TANC2: variants seen among roughly 807,000 people sequenced by gnomAD.
TANC2 encodes the protein tetratricopeptide repeat, ankyrin repeat and coiled-coil containing 2.
In TANC2, 26 loss-of-function variants were observed where a neutral mutation model predicts 210.5. That is an observed-to-expected ratio of 0.12 (90% confidence interval 0.09 to 0.17). The LOEUF (loss-of-function observed/expected upper bound fraction) is 0.17. TANC2 is among the 10% of genes least tolerant of loss of function. The pLI is 1.00. For missense variants in TANC2, 2,129 were observed against 2,608.9 expected, an observed-to-expected ratio of 0.82 and a Z score of 4.01; for synonymous variants, 931 against 967.1, an observed-to-expected ratio of 0.96 and a Z score of 0.69.
chr17:63,167,680 T>G (rs1239668881), intron 5 of TANC2, among the ~76,000 whole-genome samples: 1 of 151,956 alleles, frequency 6.6e-6, no homozygotes, highest in Non-Finnish European at 1.5e-5. Flanking sequence ...AATAGTTTTA[T>G]GTGAAAACTA....
chr17:63,222,720 A>ACACACACAC lies in TANC2; in HGVS notation c.770-15094_770-15093insCACACACAC, dbSNP rs2042226859. ...AATTATACCTTAATAAAACTGATTA[A>ACACACACAC]ACACACACACACACACACACACACA... is the stretch of plus-strand genomic sequence containing the variant. On this transcript the variant is annotated intron_variant, in intron 7 of 27. Coordinates refer to ENST00000689528, the Ensembl canonical transcript of TANC2. 5.8e-4 allele frequency among the ~76,000 whole-genome samples: 86 copies of ACACACACAC among 148,968 alleles called. 1 individual carries two copies. The highest frequency in any genetic ancestry group is 2.1e-3 in the African/African-American group (85 of 40,546).
chr17:63,365,874 A>G (rs758174363), intron 14 of TANC2, among the ~76,000 whole-genome samples: 8 of 151,980 alleles, frequency 5.3e-5, no homozygotes, highest in Admixed American at 1.3e-4. Context: ...TCTTAATCAT[A>G]ACATCCTTTT....
chr17:63,343,396 A>T (rs1181559899), intron 12 of TANC2, among the ~76,000 whole-genome samples: 1 of 152,248 alleles, frequency 6.6e-6, no homozygotes, highest in Non-Finnish European at 1.5e-5. Flanking sequence ...CATGTATTAG[A>T]TGTATGCACC....
intron 1 of TANC2, among the ~76,000 whole-genome samples, chr17:63,006,558 A>G (rs773039914): frequency 3.3e-5 from 5 of 152,154 alleles, no homozygotes; most frequent in Non-Finnish European, 5.9e-5. Context: ...TTTTTAAGCA[A>G]CAGGAGATTT....
At chr17:63,059,962 C>T (rs566851434) in intron 2 of TANC2, among the ~76,000 whole-genome samples, 3 of 152,108 alleles carry the variant, frequency 2.0e-5, no homozygotes, top group South Asian at 2.1e-4. Context: ...TGTTTCTAGG[C>T]GTTTTCAGTG....
At chr17:63,229,635 G>A (rs990150537) in intron 7 of TANC2, among the ~76,000 whole-genome samples, 1 of 149,906 alleles carries the variant, frequency 6.7e-6, no homozygotes, top group Non-Finnish European at 1.5e-5. Context: ...ACTTGTTATT[G>A]GTCTATTCAG....
intron 12 of TANC2, among the ~76,000 whole-genome samples, chr17:63,343,351 A>G (rs1022554134): frequency 6.6e-6 from 1 of 152,262 alleles, no homozygotes; most frequent in Admixed American, 6.5e-5. Context: ...CTAAAGAGGC[A>G]TTTGATAAAC....
rs984419370 is a variant in TANC2, at chr17:63,343,263, G to C, written c.1807+2931G>C. Among the ~76,000 whole-genome samples the C allele has an allele frequency of 2.0e-5, 3 of 152,310 alleles. No homozygotes were observed. The East Asian group carries it at 5.8e-4, about 29-fold the overall frequency. The stretch of plus-strand genomic sequence containing the variant: ...GATTGAAAGTAAAAGGATAGAGACT[G>C]TATAAACATGGAGCATAAGAAAGCT... On this transcript the variant is annotated intron_variant, in intron 12 of 27. Transcript: ENST00000689528.
chr17:63,375,004 A>G (rs963746047), intron 14 of TANC2, among the ~76,000 whole-genome samples: 1 of 152,196 alleles, frequency 6.6e-6, no homozygotes, highest in Non-Finnish European at 1.5e-5. Context: ...GTAACTGGCA[A>G]TATTTAAAAA....
At chr17:63,106,463 G>A (rs896956127) in intron 4 of TANC2, among the ~76,000 whole-genome samples, 2 of 151,512 alleles carry the variant, frequency 1.3e-5, no homozygotes, top group Non-Finnish European at 2.9e-5. Flanking sequence ...GATTATTGCC[G>A]AACCAACTAA....
At position 63,420,548 on chromosome 17, in the gene TANC2, A is replaced by G; in HGVS notation, c.4818A>G (p.Gly1606=). 6.2e-7 allele frequency: 1 copy of G among 1,613,864 alleles called. No homozygotes were observed. Among genetic ancestry groups the G allele is most frequent in the Non-Finnish European group, 8.5e-7 (1 of 1,179,830 alleles). Residue 1606 remains glycine (G), a synonymous_variant, in exon 28 of 28, where the codon GGA becomes GGG. Transcript: ENST00000689528. The surrounding 1 kb of genome is among the most constrained non-coding windows in gnomAD (Gnocchi z 4.2). ...ACCGTTTCAGCCCCCCTCCTGTGGG[A>G]GGACAGGGCAAAGAATACCCAAGCC...
At chr17:63,309,760 GA>G (rs1208532408) in intron 9 of TANC2, among the ~76,000 whole-genome samples, 1 of 148,734 alleles carries the variant, frequency 6.7e-6, no homozygotes, top group Non-Finnish European at 1.5e-5. Context: ...AAAATCTATT[GA>G]AAAAATAAGA....
chr17:62,974,851 A>G (rs772795295), intron 1 of TANC2, among the ~76,000 whole-genome samples: 1 of 152,230 alleles, frequency 6.6e-6, no homozygotes, highest in Non-Finnish European at 1.5e-5. Context: ...ATATCAGCCA[A>G]TGTTACAGAC....
intron 5 of TANC2, among the ~76,000 whole-genome samples, chr17:63,190,229 A>C (rs990019811): frequency 2.0e-5 from 3 of 152,078 alleles, no homozygotes; most frequent in African/African-American, 7.2e-5. Context: ...AGCCCTAGCT[A>C]CTCAGGAGGC....
intron 5 of TANC2, among the ~76,000 whole-genome samples, chr17:63,174,563 T>C (rs975380655): frequency 6.6e-6 from 1 of 152,232 alleles, no homozygotes; most frequent in Non-Finnish European, 1.5e-5. Flanking sequence ...CATCATTATT[T>C]CTACCAAATT....
chr17:62,973,953 G>C (rs1473194198), intron 1 of TANC2, among the ~76,000 whole-genome samples: 3 of 152,178 alleles, frequency 2.0e-5, no homozygotes, highest in African/African-American at 7.2e-5. Flanking sequence ...ATTGGGTATT[G>C]GGTGCAGCAG....
chr17:63,094,154 T>C lies in TANC2; in HGVS notation c.140-5021T>C, dbSNP rs1025825695. Among the ~76,000 whole-genome samples the C allele has an allele frequency of 3.3e-5, 5 of 152,178 alleles. 1 individual carries two copies. Among genetic ancestry groups the C allele is most frequent in the Admixed American group, 1.3e-4 (2 of 15,270 alleles). On this transcript the variant is annotated intron_variant, in intron 3 of 27. Coordinates refer to ENST00000689528, the Ensembl canonical transcript of TANC2. The stretch of plus-strand genomic sequence containing the variant: ...TGCCTTACTGACTTATTTTTTCTTA[T>C]AGCTTTTTTGTAGATACCTTAGAAT...
chr17:63,424,370 T>C (rs1489744375), exon 28 of TANC2: 1 of 152,220 alleles, frequency 6.6e-6, no homozygotes, highest in African/African-American at 2.4e-5. Flanking sequence ...TTGACTAGAA[T>C]ATGCCAACCA....
chr17:63,224,646 A>C (rs1287520251), intron 7 of TANC2, among the ~76,000 whole-genome samples: 2 of 152,288 alleles, frequency 1.3e-5, no homozygotes, highest in East Asian at 3.9e-4. Context: ...GTTCTATGAT[A>C]ACATCTCCCT....
Sources: allele counts gnomAD v4.1 joint callset (sites outside exome capture counted in the v4.1 genomes callset), GRCh38; gene constraint gnomAD v4.1.1; non-coding constraint Gnocchi (gnomAD v3.1); transcripts MANE v1.5; gene names NCBI Gene and HGNC (gene_info 2026-07-23, HGNC 2026-07-21).